ASTN1: variants seen among roughly 807,000 people sequenced by gnomAD.
The protein encoded by ASTN1 is astrotactin 1.
ASTN1 carries 41 observed loss-of-function variants against 140.7 expected under a neutral mutation model. That is an observed-to-expected ratio of 0.29 (90% CI 0.23 to 0.38). The LOEUF (loss-of-function observed/expected upper bound fraction) is 0.38. Ranked by LOEUF, ASTN1 falls within the 10% of genes least tolerant of loss-of-function variation. ASTN1 has a pLI of 1.00. For missense variants in ASTN1, 1,479 were observed against 1,678.8 expected (o/e 0.88, Z 2.08); for synonymous variants, 640 against 652.2 (o/e 0.98, Z 0.29).
At chr1:177,042,182 G>A (rs979252560) in intron 2 of ASTN1, among the ~76,000 whole-genome samples, 6 of 152,290 alleles carry the variant, frequency 3.9e-5, no homozygotes, top group Admixed American at 6.5e-5. Flanking sequence ...GAGTCGGGGT[G>A]GAGGTAGAAG....
chr1:177,089,303 T>C (rs1679627771), intron 1 of ASTN1, among the ~76,000 whole-genome samples: 1 of 152,168 alleles, frequency 6.6e-6, no homozygotes, highest in African/African-American at 2.4e-5. Flanking sequence ...TGGATTATTT[T>C]TGAAAGAGGC....
intron 1 of ASTN1, among the ~76,000 whole-genome samples, chr1:177,161,888 C>T (rs1647393695): frequency 6.6e-6 from 1 of 152,164 alleles, no homozygotes; most frequent in Non-Finnish European, 1.5e-5. Context: ...AACAGCCATA[C>T]CACACAATTA....
At chr1:176,997,716 G>A (rs1342132782) in intron 8 of ASTN1, among the ~76,000 whole-genome samples, 1 of 152,098 alleles carries the variant, frequency 6.6e-6, no homozygotes, top group African/African-American at 2.4e-5. Context: ...GTCTAGCACA[G>A]GTCAAGACAA....
chr1:177,055,087 A>T (rs1340221274), intron 2 of ASTN1, among the ~76,000 whole-genome samples: 1 of 152,202 alleles, frequency 6.6e-6, no homozygotes, highest in Non-Finnish European at 1.5e-5. Context: ...AAAACTAAAA[A>T]GCCTGACCAG....
At chr1:176,904,606 C>T (rs1312052054) in intron 16 of ASTN1, among the ~76,000 whole-genome samples, 2 of 152,294 alleles carry the variant, frequency 1.3e-5, no homozygotes, top group African/African-American at 4.8e-5. Context: ...CAGGAAAGAG[C>T]CTCCCGTGCA....
chr1:176,905,659 C>T (rs1669956341), intron 16 of ASTN1, among the ~76,000 whole-genome samples: 1 of 152,128 alleles, frequency 6.6e-6, no homozygotes, highest in Admixed American at 6.5e-5. Context: ...AGACATGGCT[C>T]TTGGTGGCGA....
rs572858011 is a variant in ASTN1, at chr1:177,004,439, G to T, written c.1523+10352C>A. 3.1e-3 allele frequency among the ~76,000 whole-genome samples: 469 copies of T among 151,966 alleles called. 1 individual carries two copies. The highest frequency in any genetic ancestry group is 0.011 in the African/African-American group (448 of 41,470). ...CAATGAAATTCTGTCAAAATATCAA[G>T]AACTTTTTTCACAGAATTAGAAAAA... On this transcript the variant is annotated intron_variant, in intron 8 of 22. Coordinates refer to ENST00000361833, the MANE Select transcript of ASTN1 (RefSeq NM_004319.3).
chr1:176,974,471 C>T (rs1419640761), intron 8 of ASTN1, among the ~76,000 whole-genome samples: 9 of 151,750 alleles, frequency 5.9e-5, no homozygotes, highest in East Asian at 1.9e-4. Flanking sequence ...CTACAACCTC[C>T]GCCTCCCGGG....
rs755617903 is a variant in ASTN1, at chr1:176,884,357, G to A, written c.3208C>T (p.His1070Tyr). 7 of 1,614,020 alleles carry A rather than the reference G, an allele frequency of 4.3e-6. No homozygotes were observed. The highest frequency in any genetic ancestry group is 1.6e-4 in the Middle Eastern group (1 of 6,084). The change falls in exon 19 of 23, where the codon CAC becomes TAC. Residue 1070 changes from histidine (H) to tyrosine (Y), a missense_variant. This residue lies in a region of ASTN1 where 746 missense variants were observed against 800.9 expected (regional missense o/e 0.93). Transcript: ENST00000361833. Reference protein sequence around the residue: ...RQEKVTDRMDHSKVETETVLS... With the variant: ...RQEKVTDRMDYSKVETETVLS... Reference sequence around the variant, plus strand: ...TGCTCACCTGTCTCCACTTTGGAGTGGTCCATCCTGTCAGTGACTTTCTCT... The same window carrying A: ...TGCTCACCTGTCTCCACTTTGGAGTAGTCCATCCTGTCAGTGACTTTCTCT...
At chr1:177,127,735 G>A (rs1301422835) in intron 1 of ASTN1, among the ~76,000 whole-genome samples, 2 of 152,180 alleles carry the variant, frequency 1.3e-5, no homozygotes, top group Non-Finnish European at 2.9e-5. Flanking sequence ...GACATATTTG[G>A]CCCACAGTGT....
chr1:176,996,794 C>T (rs1346564805), intron 8 of ASTN1, among the ~76,000 whole-genome samples: 1 of 152,088 alleles, frequency 6.6e-6, no homozygotes, highest in Non-Finnish European at 1.5e-5. Flanking sequence ...CTAGGGGCTC[C>T]CATGGAAAAT....
chr1:176,945,914 T>A lies in ASTN1; in HGVS notation c.2249+12A>T, dbSNP rs1233811211. The stretch of plus-strand genomic sequence containing the variant: ...AGTCTTGAACAATCAGTTCTATGTA[T>A]ATGAGGTTTACCTGAATGTTCCTTT... On this transcript the variant is annotated intron_variant, in intron 13 of 22. Coordinates refer to ENST00000361833, the MANE Select transcript of ASTN1 (RefSeq NM_004319.3). 2 of 1,599,696 alleles carry A rather than the reference T, an allele frequency of 1.3e-6. No homozygotes were observed.
chr1:177,081,968 T>C (rs1371418527), intron 1 of ASTN1, among the ~76,000 whole-genome samples: 2 of 151,994 alleles, frequency 1.3e-5, no homozygotes, highest in African/African-American at 4.8e-5. Context: ...AGGGAAGACA[T>C]GTGGACAACC....
At chr1:177,072,031 TA>T (rs1367896899) in intron 1 of ASTN1, among the ~76,000 whole-genome samples, 1 of 152,110 alleles carries the variant, frequency 6.6e-6, no homozygotes, top group Non-Finnish European at 1.5e-5. Context: ...CCAATGAGGG[TA>T]AGTGACAATT....
At chr1:177,132,767 C>T (rs1233436966) in intron 1 of ASTN1, among the ~76,000 whole-genome samples, 1 of 152,182 alleles carries the variant, frequency 6.6e-6, no homozygotes, top group Non-Finnish European at 1.5e-5. Context: ...AGCAAACTGC[C>T]TGTGTTTAGC....
At position 177,029,625 on chromosome 1, in the gene ASTN1, C is replaced by A. The variant is rs377188201; in HGVS notation, c.1120+9G>T. On this transcript the variant is annotated intron_variant, in intron 5 of 22. Transcript: ENST00000361833. ...CTTTACCACCTTCTGCCACCTCTAT[C>A]ATTCCTACCTCTACTACGCCTCCTG... 3 of 1,612,448 alleles carry A rather than the reference C, an allele frequency of 1.9e-6. No homozygotes were observed. In the African/African-American group the frequency reaches 4.0e-5, roughly 22 times the overall value.
At position 177,022,262 on chromosome 1, in the gene ASTN1, G is replaced by A. The variant is rs1025199835; in HGVS notation, c.1438+1142C>T. ...GTGGGCTGGGGTAGAGGGGGTTGGCGGGGGGTGGCTGCACATGCTGTACAA... is the reference window on the plus strand; with the variant it reads ...GTGGGCTGGGGTAGAGGGGGTTGGCAGGGGGTGGCTGCACATGCTGTACAA... On this transcript the variant is annotated intron_variant, in intron 7 of 22. Coordinates refer to ENST00000361833, the MANE Select transcript of ASTN1 (RefSeq NM_004319.3). Among the ~76,000 whole-genome samples the A allele has an allele frequency of 6.6e-5, 10 of 152,256 alleles. No individual in the cohort carries two copies. In the South Asian group the frequency reaches 1.9e-3, roughly 28 times the overall value.
intron 16 of ASTN1, among the ~76,000 whole-genome samples, chr1:176,906,373 T>G (rs563919466): frequency 1.2e-4 from 18 of 152,344 alleles, no homozygotes; most frequent in Middle Eastern, 6.8e-3. Flanking sequence ...AGGTTTTCAC[T>G]GAGTGCCAAC....
chr1:176,936,476 A>C, intron 14 of ASTN1, 106 bp from the exon 15 acceptor site: 1 of 817,126 alleles, frequency 1.2e-6, no homozygotes, highest in South Asian at 1.7e-5. Flanking sequence ...TTGTGAGAAA[A>C]TGATTAAATG....
Sources: gnomAD v4.1 joint callset for allele counts (sites outside exome capture counted in the v4.1 genomes callset) on GRCh38, gnomAD v4.1.1 for gene constraint, gnomAD v4.1.1 regional missense constraint, MANE v1.5 for transcripts, NCBI Gene and HGNC (gene_info 2026-07-23, HGNC 2026-07-21) for gene names.